Variants in SHROOM4 observed in about 807,000 individuals in gnomAD.
SHROOM4 encodes shroom family member 4.
SHROOM4 carries 17 observed loss-of-function variants against 80.3 expected under a neutral mutation model. The observed-to-expected ratio is 0.21, with a 90% confidence interval of 0.14 to 0.32. The LOEUF (loss-of-function observed/expected upper bound fraction) is 0.32. Ranked by LOEUF, SHROOM4 falls within the 10% of genes least tolerant of loss-of-function variation. SHROOM4 has a pLI of 1.00. For synonymous variants in SHROOM4, 400 were observed against 437.5 expected, an observed-to-expected ratio of 0.91 and a Z score of 1.07; for missense variants, 993 against 1,140.3, an observed-to-expected ratio of 0.87 and a Z score of 1.86.
chrX:50,597,362 G>C, intron 8 of SHROOM4, among the ~76,000 whole-genome samples: 1 of 111,850 alleles, frequency 8.9e-6, no homozygotes, highest in Non-Finnish European at 1.9e-5. Context: ...ATATGTGTGA[G>C]TGTATGTGTC....
chrX:50,634,326 G>A lies in SHROOM4; in HGVS notation c.1747C>T (p.Arg583Trp), dbSNP rs1557255130. The change falls in exon 4 of 9, where the codon CGG becomes TGG. Residue 583 changes from arginine to tryptophan, a missense_variant. Coordinates refer to ENST00000376020, the MANE Select transcript of SHROOM4 (RefSeq NM_020717.5). ...TTGGTAGCAAAACGCTCACTCTTCC[G>A]CCGGTTTTGGATCGAGCGGCCCCGG... ...GTRGRSIQNRRKSERFATNLR... is the reference protein window; with the variant it reads ...GTRGRSIQNRWKSERFATNLR... 9.1e-6 allele frequency: 11 copies of A among 1,208,713 alleles called. No individual in the cohort carries two copies. Among genetic ancestry groups the A allele is most frequent in the South Asian group, 7.1e-5 (4 of 56,644 alleles).
At chrX:50,652,724 AATCC>A (rs1254116679) in intron 2 of SHROOM4, among the ~76,000 whole-genome samples, 17 of 111,964 alleles carry the variant, frequency 1.5e-4, no homozygotes, top group African/African-American at 5.2e-4. Context: ...TTAAGTCTTT[AATCC>A]ATCGTAATTT....
chrX:50,576,914 A>G, the SHROOM4 span, among the ~76,000 whole-genome samples: 1 of 112,127 alleles, frequency 8.9e-6, no homozygotes, highest in African/African-American at 3.2e-5. Flanking sequence ...GTATACATTA[A>G]GAACACAATC....
chrX:50,738,189 A>T (rs1181299886), intron 1 of SHROOM4, among the ~76,000 whole-genome samples: 1 of 111,295 alleles, frequency 9.0e-6, no homozygotes, highest in Non-Finnish European at 1.9e-5. Flanking sequence ...CAAAATAATA[A>T]GAGCTATTTA....
intron 2 of SHROOM4, among the ~76,000 whole-genome samples, chrX:50,653,517 A>T (rs782670203): frequency 8.9e-6 from 1 of 111,880 alleles, no homozygotes; most frequent in South Asian, 3.8e-4. Context: ...GCAAACAGAG[A>T]CAATTTGACT....
downstream of SHROOM4, among the ~76,000 whole-genome samples, chrX:50,584,748 G>A (rs1928727980): frequency 2.7e-5 from 3 of 111,190 alleles, no homozygotes; most frequent in African/African-American, 9.8e-5. Flanking sequence ...TTGGAGAGGA[G>A]TATTAATCAC....
intron 1 of SHROOM4, among the ~76,000 whole-genome samples, chrX:50,786,023 T>C (rs1215754854): frequency 9.0e-6 from 1 of 111,490 alleles, no homozygotes; most frequent in Admixed American, 9.5e-5. Flanking sequence ...ATTCCCTTTT[T>C]GAAAAATCCA....
In SHROOM4 at chrX:50,633,898, A is replaced by G. The variant is rs781988489; in HGVS notation, c.2175T>C (p.His725=). 1.7e-6 allele frequency: 2 copies of G among 1,211,765 alleles called. No individual in the cohort carries two copies. Among genetic ancestry groups the G allele is most frequent in the South Asian group, 1.8e-5 (1 of 56,948 alleles). ...AHAHCGVRGG[H]WRWSPEHNSQ... Reference sequence around the variant, plus strand: ...AATTATGCTCTGGAGACCATCTCCAATGACCTCCACGGACTCCACAGTGAG... The same window carrying G: ...AATTATGCTCTGGAGACCATCTCCAGTGACCTCCACGGACTCCACAGTGAG... Residue 725 remains histidine, a synonymous_variant, in exon 4 of 9, where the codon CAT becomes CAC. Coordinates refer to ENST00000376020, the MANE Select transcript of SHROOM4 (RefSeq NM_020717.5).
At chrX:50,776,661 T>C (rs1483499155) in intron 1 of SHROOM4, among the ~76,000 whole-genome samples, 1 of 111,350 alleles carries the variant, frequency 9.0e-6, no homozygotes. Context: ...CATTTACATA[T>C]CTGCTATTCT....
chrX:50,774,513 T>C (rs1417861241), intron 1 of SHROOM4, among the ~76,000 whole-genome samples: 8 of 110,954 alleles, frequency 7.2e-5, no homozygotes, highest in African/African-American at 2.6e-4. Flanking sequence ...CAAGGGAGAC[T>C]GGGGAGTTTC....
intron 2 of SHROOM4, among the ~76,000 whole-genome samples, chrX:50,686,049 A>G (rs1933063045): frequency 9.0e-6 from 1 of 110,893 alleles, no homozygotes; most frequent in Non-Finnish European, 1.9e-5. Flanking sequence ...TTGTTTTGAG[A>G]CAGAGTCTGG....
chrX:50,800,123 ATG>A (rs1305577913), intron 1 of SHROOM4, among the ~76,000 whole-genome samples: 2 of 111,997 alleles, frequency 1.8e-5, no homozygotes, highest in African/African-American at 6.5e-5. Flanking sequence ...TCTAGTTCCC[ATG>A]TGTGTGTCAT....
chrX:50,596,630 C>T lies in SHROOM4; in HGVS notation c.*65G>A. On this transcript the variant is annotated 3_prime_UTR_variant, in exon 9 of 9. Coordinates refer to ENST00000376020, the MANE Select transcript of SHROOM4 (RefSeq NM_020717.5). ...TATCTACTTGCTGAGAAACTGCTAA[C>T]AAAGAAGATTGAAAGCACTTCCCAC... is the stretch of plus-strand genomic sequence containing the variant. 1.7e-6 allele frequency: 2 copies of T among 1,187,011 alleles called. No individual in the cohort carries two copies. The highest frequency in any genetic ancestry group is 2.3e-6 in the Non-Finnish European group (2 of 882,262).
intron 2 of SHROOM4, chrX:50,687,267 C>CTTTTTTTTTT (rs1217867502): frequency 2.5e-4 from 22 of 88,814 alleles, no homozygotes; most frequent in African/African-American, 9.5e-4. Context: ...ATTTTGGTGT[C>CTTTTTTTTTT]TTTTTTTTTT....
At chrX:50,710,592 G>A (rs1180878951) in intron 1 of SHROOM4, among the ~76,000 whole-genome samples, 2 of 111,166 alleles carry the variant, frequency 1.8e-5, no homozygotes, top group Non-Finnish European at 3.8e-5. Flanking sequence ...GGGATCAATT[G>A]TACCCTGAAC....
At position 50,591,162 on chromosome X, in the gene SHROOM4, T is replaced by C. The variant is rs1245074852; in HGVS notation, c.*5533A>G. ...TCAGCATCATTTGTTAAAAAACTATTCTCTCCTCAATTTCTCTTGGGACCC... is the reference window on the plus strand; with the variant it reads ...TCAGCATCATTTGTTAAAAAACTATCCTCTCCTCAATTTCTCTTGGGACCC... On this transcript the variant is annotated 3_prime_UTR_variant, in exon 9 of 9. Transcript: ENST00000376020. Among the ~76,000 whole-genome samples the C allele has an allele frequency of 8.9e-6, 1 of 112,278 alleles. No individual in the cohort carries two copies. The highest frequency in any genetic ancestry group is 1.9e-5 in the Non-Finnish European group (1 of 53,263).
chrX:50,721,978 G>A (rs1934124439), intron 1 of SHROOM4, among the ~76,000 whole-genome samples: 1 of 110,047 alleles, frequency 9.1e-6, no homozygotes, highest in African/African-American at 3.3e-5. Flanking sequence ...GAGAAGTCAG[G>A]TAGGATCCAA....
intron 1 of SHROOM4, among the ~76,000 whole-genome samples, chrX:50,742,369 T>C (rs1285671887): frequency 8.1e-5 from 9 of 111,507 alleles, no homozygotes; most frequent in African/African-American, 2.6e-4. Flanking sequence ...GATACACTTA[T>C]ATCATTAACC....
intron 1 of SHROOM4, among the ~76,000 whole-genome samples, chrX:50,789,143 A>C (rs1557271338): frequency 1.8e-5 from 2 of 112,155 alleles, no homozygotes; most frequent in Non-Finnish European, 3.8e-5. Context: ...GAACTTGAAC[A>C]ACACTATAGA....
Sources: allele counts gnomAD v4.1 joint callset (sites outside exome capture counted in the v4.1 genomes callset), GRCh38; gene constraint gnomAD v4.1.1; transcripts MANE v1.5; gene names NCBI Gene and HGNC (gene_info 2026-07-23, HGNC 2026-07-21).